Variants in ADARB1 observed in about 807,000 individuals in gnomAD.
ADARB1 encodes the protein double-stranded RNA-specific editase 1.
A neutral mutation model predicts 52.4 loss-of-function variants in ADARB1; 10 were observed. That is an observed-to-expected ratio of 0.19 (90% confidence interval 0.12 to 0.32). The LOEUF (loss-of-function observed/expected upper bound fraction) is 0.32, where lower values mean the gene tolerates loss of function less well. Ranked by LOEUF, ADARB1 falls within the 10% of genes least tolerant of loss-of-function variation. The pLI is 1.00. For missense variants in ADARB1, 643 were observed against 922.3 expected (o/e 0.70, Z 3.92); for synonymous variants, 349 against 371.1 (o/e 0.94, Z 0.68).
At chr21:45,097,383 G>C (rs770307930) in intron 1 of ADARB1, among the ~76,000 whole-genome samples, 1 of 152,110 alleles carries the variant, frequency 6.6e-6, no homozygotes, top group Non-Finnish European at 1.5e-5. Flanking sequence ...AGATACCGAG[G>C]CCCTGTGTGA....
rs2093049687 is a variant in ADARB1, at chr21:45,225,717, C to T, written c.*3520C>T. On this transcript the variant is annotated 3_prime_UTR_variant, in exon 11 of 11. Transcript: ENST00000348831. ...TTTACCCCAGAAGCAGGTGGTCTGC[C>T]CCAGGCATAAAGAAGGAAAATTGGC... 2 of 577,220 alleles carry T rather than the reference C, an allele frequency of 3.5e-6. No homozygotes were observed. The highest frequency in any genetic ancestry group is 5.2e-6 in the Non-Finnish European group (2 of 381,244). 35.8% of individuals were successfully genotyped at this position (577,220 alleles called of 1,614,324 possible). A position where few individuals can be genotyped will look rare whatever the true frequency, so the allele number is the denominator to read the frequency against.
chr21:45,182,033 C>T (rs146338953), intron 5 of ADARB1, among the ~76,000 whole-genome samples: 92 of 152,352 alleles, frequency 6.0e-4, no homozygotes, highest in African/African-American at 2.1e-3. Context: ...AAAGTTGAGA[C>T]GGAGTGATCT....
intron 2 of ADARB1, among the ~76,000 whole-genome samples, chr21:45,151,532 G>T (rs1464781531): frequency 6.6e-6 from 1 of 152,044 alleles, no homozygotes; most frequent in Non-Finnish European, 1.5e-5. Flanking sequence ...TGCTTCTTCT[G>T]CTTGACTCCT....
intron 1 of ADARB1, among the ~76,000 whole-genome samples, chr21:45,094,066 G>T (rs1056842194): frequency 9.2e-5 from 14 of 152,114 alleles, no homozygotes; most frequent in Admixed American, 1.3e-4. Context: ...ATAGTTTCTT[G>T]ATCTTAATGT....
Position 45,176,948 on chromosome 21 carries a change from T to G in ADARB1, c.963+284T>G. 1 of 291,064 alleles carries G rather than the reference T, an allele frequency of 3.4e-6. No homozygotes were observed. Among genetic ancestry groups the G allele is most frequent in the Non-Finnish European group, 5.8e-6 (1 of 172,924 alleles). 18.0% of individuals were successfully genotyped at this position (291,064 alleles called of 1,614,324 possible). On this transcript the variant is annotated intron_variant, in intron 4 of 10. Transcript: ENST00000348831. The surrounding 1 kb of genome is among the most constrained non-coding windows in gnomAD (Gnocchi z 5.8). ...TTTACAACACTATCCATAACTCCCT[T>G]CCCGTTAGGCAACCCCCCCCATGAC...
At chr21:45,113,962 C>A (rs1444661389) in intron 1 of ADARB1, among the ~76,000 whole-genome samples, 2 of 152,182 alleles carry the variant, frequency 1.3e-5, no homozygotes, top group African/African-American at 4.8e-5. Flanking sequence ...TATGTTTGAG[C>A]ACCTGTTAAA....
chr21:45,217,108 A>T (rs2092878536), intron 9 of ADARB1, among the ~76,000 whole-genome samples: 4 of 151,910 alleles, frequency 2.6e-5, no homozygotes, highest in Admixed American at 2.6e-4. Flanking sequence ...TTATAGACAT[A>T]TATTTATATA....
intron 2 of ADARB1, among the ~76,000 whole-genome samples, chr21:45,156,391 C>A (rs1157154300): frequency 2.8e-5 from 4 of 145,024 alleles, no homozygotes; most frequent in Non-Finnish European, 4.6e-5. Flanking sequence ...CATCATCCAT[C>A]CATCCATCCA....
intron 8 of ADARB1, among the ~76,000 whole-genome samples, chr21:45,198,338 TC>T (rs765442220): frequency 5.9e-5 from 9 of 152,020 alleles, no homozygotes; most frequent in Non-Finnish European, 1.2e-4. Context: ...TCCTTCAGGG[TC>T]CAGCAGAGAT....
chr21:45,212,264 T>C (rs1240465317), intron 9 of ADARB1, among the ~76,000 whole-genome samples: 1 of 152,164 alleles, frequency 6.6e-6, no homozygotes, highest in Non-Finnish European at 1.5e-5. Flanking sequence ...CTTCTAGCCA[T>C]TCCCCCACAA....
At chr21:45,103,502 A>T (rs1364073728) in intron 1 of ADARB1, among the ~76,000 whole-genome samples, 1 of 151,892 alleles carries the variant, frequency 6.6e-6, no homozygotes, top group Non-Finnish European at 1.5e-5. Flanking sequence ...GTGGCAGATC[A>T]TCAGACATTG....
At chr21:45,169,453 A>G (rs1040877684) in intron 2 of ADARB1, among the ~76,000 whole-genome samples, 2 of 152,156 alleles carry the variant, frequency 1.3e-5, no homozygotes, top group Non-Finnish European at 2.9e-5. Flanking sequence ...GTTTCTGCCA[A>G]TGCCTGCTGA....
chr21:45,209,438 G>C (rs1021147906), intron 9 of ADARB1, among the ~76,000 whole-genome samples: 1 of 152,146 alleles, frequency 6.6e-6, no homozygotes, highest in Non-Finnish European at 1.5e-5. Flanking sequence ...TTCTTGGTTG[G>C]TTGTTTTTGT....
rs115469203 is a variant in ADARB1, at chr21:45,150,586, T to A, written c.-47-21024T>A. On this transcript the variant is annotated intron_variant, in intron 2 of 10. Transcript: ENST00000348831. ...TCTGACATCTGTCTGATTGCTGACA[T>A]GGATCCTGAGTCTTACAGTGTTTTG... is the stretch of plus-strand genomic sequence containing the variant. Among the ~76,000 whole-genome samples the A allele has an allele frequency of 2.0e-3, 305 of 152,348 alleles. 1 individual carries two copies. The highest frequency in any genetic ancestry group is 7.1e-3 in the African/African-American group (297 of 41,592).
At chr21:45,148,326 G>A (rs1002519732) in intron 2 of ADARB1, among the ~76,000 whole-genome samples, 1 of 152,234 alleles carries the variant, frequency 6.6e-6, no homozygotes, top group Non-Finnish European at 1.5e-5. Flanking sequence ...GCCCGTGGGT[G>A]TCAGGCTGGC....
intron 1 of ADARB1, among the ~76,000 whole-genome samples, chr21:45,098,334 C>G (rs1225150375): frequency 1.3e-5 from 2 of 152,234 alleles, no homozygotes; most frequent in Non-Finnish European, 2.9e-5. Context: ...CCTTGGACCA[C>G]TCTCCCCGTC....
chr21:45,162,343 G>A (rs395761), intron 2 of ADARB1, among the ~76,000 whole-genome samples: 77,707 of 151,994 alleles, frequency 0.51, 19,973 homozygotes, highest in South Asian at 0.57. Flanking sequence ...TGCCCGTCTC[G>A]CCTGCCTGGC....
intron 8 of ADARB1, among the ~76,000 whole-genome samples, chr21:45,195,694 C>T (rs903781655): frequency 2.0e-5 from 3 of 151,418 alleles, no homozygotes; most frequent in Non-Finnish European, 4.4e-5. Context: ...ATTGTCTTTG[C>T]TCTTTTGTCA....
chr21:45,145,022 C>CA, intron 2 of ADARB1: 1 of 179,818 alleles, frequency 5.6e-6, no homozygotes, highest in South Asian at 1.2e-4. Context: ...GAACAAATAT[C>CA]AAACAGGATT....
Sources: gnomAD v4.1 joint callset for allele counts (sites outside exome capture counted in the v4.1 genomes callset) on GRCh38, gnomAD v4.1.1 for gene constraint, Gnocchi (gnomAD v3.1) non-coding constraint, MANE v1.5 for transcripts, NCBI Gene and HGNC (gene_info 2026-07-23, HGNC 2026-07-21) for gene names.